Variants in HADH observed in about 807,000 individuals in gnomAD.
HADH encodes the protein hydroxyacyl-coenzyme A dehydrogenase, mitochondrial.
In HADH, 24 loss-of-function variants were observed where a neutral mutation model predicts 32.2. The ratio of observed to expected loss-of-function variants is 0.75; its 90% CI spans 0.54 to 1.05. HADH has a LOEUF of 1.05. HADH is among the 50% of genes least tolerant of loss of function. HADH has a pLI of 0.00. For missense variants in HADH, 350 were observed against 397.1 expected (o/e 0.88, Z 1.01); for synonymous variants, 139 against 152.5 (o/e 0.91, Z 0.65).
chr4:107,997,327 G>A (rs901247334), intron 1 of HADH, among the ~76,000 whole-genome samples: 1 of 152,190 alleles, frequency 6.6e-6, no homozygotes, highest in Non-Finnish European at 1.5e-5. Context: ...ACATCCAGTG[G>A]AACTGTTGAG....
Position 108,034,487 on chromosome 4 carries a change from T to C in HADH, c.*130T>C, listed in dbSNP as rs1245999653. On this transcript the variant is annotated 3_prime_UTR_variant, in exon 8 of 8. Transcript: ENST00000309522. The stretch of plus-strand genomic sequence containing the variant: ...ACAGTTTAATAAATGTGCATTTTGA[T>C]TGTAATCTATCGAAGTGATTATTAC... The C allele has an allele frequency of 4.0e-6, 3 of 749,278 alleles. No homozygotes were observed. The African/African-American group carries it at 5.1e-5, about 13-fold the overall frequency. The allele number at this position is 749,278 out of a possible 1,614,324, so 46.4% of individuals were successfully genotyped here.
chr4:108,023,765 GC>G, intron 5 of HADH: 1 of 586,286 alleles, frequency 1.7e-6, no homozygotes, highest in African/African-American at 1.8e-5. Flanking sequence ...CATGCCTAAG[GC>G]CATTATGTGG....
intron 6 of HADH, chr4:108,029,171 G>A (rs930844971): frequency 2.1e-5 from 7 of 329,204 alleles, no homozygotes; most frequent in South Asian, 1.6e-4. Context: ...ATGTCCCCCC[G>A]CCCACCACCT....
chr4:108,012,685 A>T (rs925079404), intron 2 of HADH, among the ~76,000 whole-genome samples: 3 of 152,248 alleles, frequency 2.0e-5, no homozygotes, highest in Non-Finnish European at 4.4e-5. Flanking sequence ...CTATGACCTA[A>T]TGCCCACTTG....
rs537710814 is a variant in HADH, at chr4:108,023,782, C to G, written c.636+219C>G. 332 of 549,230 alleles carry G rather than the reference C, an allele frequency of 6.0e-4. 4 individuals are homozygous for G. In the East Asian group the frequency reaches 0.011, roughly 18 times the overall value. 34.0% of individuals were successfully genotyped at this position (549,230 alleles called of 1,614,324 possible). ...TGCCTAAGGCCATTATGTGGATAGTCTGAGACCTGAATGGAGCTCAGGACA... is the reference window on the plus strand; with the variant it reads ...TGCCTAAGGCCATTATGTGGATAGTGTGAGACCTGAATGGAGCTCAGGACA... On this transcript the variant is annotated intron_variant, in intron 5 of 7. Transcript: ENST00000309522.
chr4:108,004,906 A>G (rs1044389670), intron 1 of HADH: 3 of 1,535,392 alleles, frequency 2.0e-6, no homozygotes, highest in Admixed American at 2.0e-5. Flanking sequence ...CTGGGAGGCT[A>G]TTGTTAAAGA....
intron 1 of HADH, among the ~76,000 whole-genome samples, chr4:108,004,160 T>A (rs914982802): frequency 6.6e-6 from 1 of 152,190 alleles, no homozygotes; most frequent in African/African-American, 2.4e-5. Context: ...GTTATGAAGA[T>A]CAGAGGAGAT....
chr4:108,025,167 A>G (rs1490013252), intron 5 of HADH: 1 of 152,246 alleles, frequency 6.6e-6, no homozygotes, highest in Non-Finnish European at 1.5e-5. Context: ...GCTGTGCTCC[A>G]GTAAAACTTG....
chr4:108,026,007 A>G (rs1287334196), intron 5 of HADH: 1 of 152,314 alleles, frequency 6.6e-6, no homozygotes, highest in East Asian at 1.9e-4. Flanking sequence ...GTTGGCAAAA[A>G]TGCGTATTTT....
At chr4:108,001,778 C>A (rs1251050239) in intron 1 of HADH, among the ~76,000 whole-genome samples, 1 of 152,224 alleles carries the variant, frequency 6.6e-6, no homozygotes, top group Admixed American at 6.5e-5. Flanking sequence ...CATCACACTA[C>A]TCAGAATGAC....
At chr4:108,017,259 A>G (rs1735723037) in intron 3 of HADH, among the ~76,000 whole-genome samples, 1 of 152,218 alleles carries the variant, frequency 6.6e-6, no homozygotes, top group Non-Finnish European at 1.5e-5. Context: ...TGACTTCTCT[A>G]GCAGCAGCCT....
intron 1 of HADH, among the ~76,000 whole-genome samples, chr4:107,993,878 T>C (rs767887462): frequency 2.6e-5 from 4 of 151,540 alleles, no homozygotes; most frequent in Non-Finnish European, 5.9e-5. Context: ...CTTATAGGAT[T>C]AAATGAGCCT....
chr4:108,001,606 G>A (rs1735121316), intron 1 of HADH, among the ~76,000 whole-genome samples: 1 of 152,186 alleles, frequency 6.6e-6, no homozygotes, highest in Non-Finnish European at 1.5e-5. Context: ...GACCCTCAGT[G>A]GATGCGTGAA....
chr4:107,993,325 C>T (rs1327799310), intron 1 of HADH, among the ~76,000 whole-genome samples: 1 of 152,132 alleles, frequency 6.6e-6, no homozygotes, highest in Non-Finnish European at 1.5e-5. Context: ...TATGTTTTTT[C>T]AGGGACCTCT....
chr4:108,010,329 C>A (rs929491334), intron 2 of HADH, among the ~76,000 whole-genome samples: 1 of 152,068 alleles, frequency 6.6e-6, no homozygotes, highest in East Asian at 1.9e-4. Context: ...TTGCCAGGAG[C>A]AGAAGAGATA....
chr4:107,994,812 C>G (rs891867855), intron 1 of HADH, among the ~76,000 whole-genome samples: 5 of 152,148 alleles, frequency 3.3e-5, no homozygotes, highest in African/African-American at 1.2e-4. Flanking sequence ...GATGTAGAAC[C>G]ACCCTCTATT....
At chr4:107,991,174 A>G (rs1228274920) in intron 1 of HADH, among the ~76,000 whole-genome samples, 2 of 150,292 alleles carry the variant, frequency 1.3e-5, no homozygotes, top group African/African-American at 5.0e-5. Context: ...TTTAAAAATT[A>G]TTCCATTTCA....
At chr4:108,005,283 A>G (rs958972136) in intron 1 of HADH, 2 of 169,622 alleles carry the variant, frequency 1.2e-5, no homozygotes, top group Admixed American at 1.1e-4. Flanking sequence ...ACGAGATCTG[A>G]GATATCCATC....
At chr4:108,020,400 G>A (rs1297591689) in intron 4 of HADH, among the ~76,000 whole-genome samples, 1 of 152,160 alleles carries the variant, frequency 6.6e-6, no homozygotes, top group African/African-American at 2.4e-5. Flanking sequence ...AGCCTGGGAG[G>A]TTGAGGCTGC....
Sources: gnomAD v4.1 joint callset for allele counts (sites outside exome capture counted in the v4.1 genomes callset) on GRCh38, gnomAD v4.1.1 for gene constraint, MANE v1.5 for transcripts, NCBI Gene and HGNC (gene_info 2026-07-23, HGNC 2026-07-21) for gene names.